TET2: variants seen among roughly 807,000 people sequenced by gnomAD.
TET2 encodes tet methylcytosine dioxygenase 2, also known as methylcytosine dioxygenase TET2.
TET2 carries 299 observed loss-of-function variants against 142.9 expected under a neutral mutation model. The observed-to-expected ratio is 2.09, with a 90% CI of 1.90 to 2.30. The LOEUF is 2.30. Ranked by LOEUF, TET2 falls within the 30% of genes most tolerant of loss-of-function variation. TET2 has a pLI of 0.00. For missense variants in TET2, 2,418 were observed against 2,378.0 expected (o/e 1.02, Z -0.35); for synonymous variants, 819 against 849.0 (o/e 0.96, Z 0.61).
chr4:105,212,993 G>A (rs76471899), intron 2 of TET2, among the ~76,000 whole-genome samples: 1 of 151,264 alleles, frequency 6.6e-6, no homozygotes, highest in Non-Finnish European at 1.5e-5. Flanking sequence ...CTGTCTCAGA[G>A]GAAAAAAAAA....
intron 6 of TET2, 116 bp from the exon 7 acceptor site, chr4:105,259,495 GCTTAATAC>G (rs1730309356): frequency 1.1e-6 from 1 of 904,920 alleles, no homozygotes; most frequent in African/African-American, 1.7e-5. Flanking sequence ...TTATGCCACA[GCTTAATAC>G]AGAGTTAGAT....
chr4:105,152,057 C>T (rs902808157), intron 1 of TET2, among the ~76,000 whole-genome samples: 30 of 151,926 alleles, frequency 2.0e-4, no homozygotes, highest in Admixed American at 7.9e-4. Flanking sequence ...GCAGGTGGAT[C>T]ACCTGACGTC....
In TET2 at chr4:105,276,739, A is replaced by G. The variant is rs1731241227; in HGVS notation, c.*220A>G. ...ACAGATGGCATCTAGGAAAAGACCAAAGCATTCTATGCAAAAAGAAGGTGG... is the reference window on the plus strand; with the variant it reads ...ACAGATGGCATCTAGGAAAAGACCAGAGCATTCTATGCAAAAAGAAGGTGG... On this transcript the variant is annotated 3_prime_UTR_variant, in exon 11 of 11. Transcript: ENST00000380013. 2.0e-6 allele frequency: 1 copy of G among 504,036 alleles called. No homozygotes were observed. The highest frequency in any genetic ancestry group is 3.7e-5 in the South Asian group (1 of 27,232). The allele number at this position is 504,036 out of a possible 1,614,324, so 31.2% of individuals were successfully genotyped here.
chr4:105,198,272 G>T (rs1157970982), intron 2 of TET2, among the ~76,000 whole-genome samples: 1 of 152,096 alleles, frequency 6.6e-6, no homozygotes, highest in Non-Finnish European at 1.5e-5. Context: ...GGAGGTGGAG[G>T]TTGCAGTGAG....
rs1314085251 is a variant in TET2, at chr4:105,236,076, C to G, written c.2134C>G (p.Pro712Ala). The G allele has an allele frequency of 1.2e-6, 2 of 1,614,000 alleles. No homozygotes were observed. The highest frequency in any genetic ancestry group is 1.6e-4 in the Middle Eastern group (1 of 6,084). Reference sequence around the variant, plus strand: ...GAATCAACAGGCTTCAGAGACTGAGCCATTTTCAAACTCACACCTTTTGCA... The same window carrying G: ...GAATCAACAGGCTTCAGAGACTGAGGCATTTTCAAACTCACACCTTTTGCA... ...HLNQQASETEPFSNSHLLQHK... is the reference protein window; with the variant it reads ...HLNQQASETEAFSNSHLLQHK... The change falls in exon 3 of 11, where the codon CCA becomes GCA. Residue 712 changes from proline (P) to alanine (A), a missense_variant. By Grantham distance (27) the Pro-to-Ala change is conservative. Coordinates refer to ENST00000380013, the MANE Select transcript of TET2 (RefSeq NM_001127208.3).
intron 2 of TET2, among the ~76,000 whole-genome samples, chr4:105,209,418 C>G (rs1342533508): frequency 6.6e-6 from 1 of 151,896 alleles, no homozygotes; most frequent in Admixed American, 6.6e-5. Context: ...CAGAGCTCAC[C>G]AACTTTGGAT....
At chr4:105,247,327 T>C (rs1179096430) in intron 6 of TET2, among the ~76,000 whole-genome samples, 1 of 152,176 alleles carries the variant, frequency 6.6e-6, no homozygotes, top group Non-Finnish European at 1.5e-5. Context: ...AATTATCTGA[T>C]TAGATTCTAT....
In TET2 at chr4:105,244,584, A is replaced by ATCTTTTTTTTTTT. The variant is rs1237638072; in HGVS notation, c.3803+807_3803+808insCTTTTTTTTTTTT. On this transcript the variant is annotated intron_variant, in intron 6 of 10. Transcript: ENST00000380013. ...TGAATGTTCACGGTGCTACACAGAA[A>ATCTTTTTTTTTTT]TGTTTTTTTTTTTTTTTTTTTTTTT... Among the ~76,000 whole-genome samples the ATCTTTTTTTTTTT allele has an allele frequency of 1.7e-3, 196 of 116,740 alleles. 26 individuals carry two copies. The highest frequency in any genetic ancestry group is 0.01 in the Middle Eastern group (2 of 194). The allele number at this position is 116,740 out of a possible 152,430, so 76.6% of individuals were successfully genotyped here.
chr4:105,154,722 C>T (rs1221115501), intron 1 of TET2, among the ~76,000 whole-genome samples: 1 of 152,110 alleles, frequency 6.6e-6, no homozygotes, highest in Non-Finnish European at 1.5e-5. Context: ...GGAGATGTAA[C>T]CCAAGTGTTA....
At position 105,256,535 on chromosome 4, in the gene TET2, G is replaced by A. The variant is rs1180750690; in HGVS notation, c.3804-3084G>A. ...CAGTTTTCATGATTTTCTTGTGTTG[G>A]CTTTCAGCAGTTTGGTTATGATGTT... On this transcript the variant is annotated intron_variant, in intron 6 of 10. Coordinates refer to ENST00000380013, the MANE Select transcript of TET2 (RefSeq NM_001127208.3). Among the ~76,000 whole-genome samples the A allele has an allele frequency of 2.0e-5, 3 of 152,042 alleles. No individual in the cohort carries two copies. In the East Asian group the frequency reaches 5.8e-4, roughly 29 times the overall value.
chr4:105,146,633 G>GCCGGGGCGGAGCGGGAGGAGT (rs1266522467), upstream of TET2: 5 of 153,340 alleles, frequency 3.3e-5, no homozygotes, highest in African/African-American at 1.2e-4. Flanking sequence ...GCGGGAGGAG[G>GCCGGGGCGGAGCGGGAGGAGT]CCGGGGCGGA....
intron 3 of TET2, chr4:105,237,862 T>C: frequency 9.3e-7 from 1 of 1,070,656 alleles, no homozygotes; most frequent in Non-Finnish European, 1.1e-6. Context: ...ATGCTGACAC[T>C]CTTAGTGCTC....
At chr4:105,267,374 A>G (rs1730731111) in intron 8 of TET2, among the ~76,000 whole-genome samples, 1 of 152,084 alleles carries the variant, frequency 6.6e-6, no homozygotes, top group Non-Finnish European at 1.5e-5. Context: ...GCTATCTTAA[A>G]AATATATTAA....
Position 105,272,586 on chromosome 4 carries a change from A to G in TET2, c.4205A>G (p.Asp1402Gly). The change falls in exon 10 of 11, where the codon GAC becomes GGC. Residue 1402 changes from aspartate to glycine, a missense_variant. Transcript: ENST00000380013. Reference protein sequence around the residue: ...STLVCTLTREDNREFGGKPED... With the variant: ...STLVCTLTREGNREFGGKPED... ...CAGGTATGCACTCTCACTAGAGAAG[A>G]CAATCGAGAATTTGGAGGAAAACCT... The G allele has an allele frequency of 6.5e-7, 1 of 1,542,748 alleles. No homozygotes were observed. Among genetic ancestry groups the G allele is most frequent in the Non-Finnish European group, 8.7e-7 (1 of 1,143,402 alleles).
chr4:105,216,144 ATACTTGG>A (rs1727478148), intron 2 of TET2, among the ~76,000 whole-genome samples: 1 of 152,174 alleles, frequency 6.6e-6, no homozygotes, highest in African/African-American at 2.4e-5. Flanking sequence ...TAGAGCTAGT[ATACTTGG>A]AGTTTGGCTA....
In TET2 at chr4:105,261,849, G is replaced by GT; in HGVS notation, c.4044+2dup. On this transcript the variant is annotated splice_donor_variant, in intron 8 of 10. Transcript: ENST00000380013. LOFTEE classifies it high-confidence loss of function. ...TGCACCTGATGCATATAATAATCAG[G>GT]TAAGTTTAAATAATCATTGGCAGCA... The GT allele has an allele frequency of 1.3e-6, 2 of 1,527,420 alleles. No homozygotes were observed. Among genetic ancestry groups the GT allele is most frequent in the Non-Finnish European group, 1.8e-6 (2 of 1,128,084 alleles). 94.6% of individuals were successfully genotyped at this position (1,527,420 alleles called of 1,614,324 possible).
chr4:105,259,641 C>A lies in TET2; in HGVS notation c.3826C>A (p.Leu1276Met), dbSNP rs1265584899. The change falls in exon 7 of 11, where the codon CTG becomes ATG. Residue 1276 changes from leucine to methionine, a missense_variant. By Grantham distance (15) the Leu-to-Met change is conservative. Transcript: ENST00000380013. ...NEERTCACQG[L>M]DPETCGASFS... The stretch of plus-strand genomic sequence containing the variant: ...CAGGAGAACTTGCGCCTGTCAGGGG[C>A]TGGATCCAGAAACCTGTGGTGCCTC... The A allele has an allele frequency of 6.4e-7, 1 of 1,551,006 alleles. No homozygotes were observed. Among genetic ancestry groups the A allele is most frequent in the Non-Finnish European group, 8.7e-7 (1 of 1,146,448 alleles).
intron 6 of TET2, among the ~76,000 whole-genome samples, chr4:105,247,714 C>CTTTTTTTTTTTTTTTTT (rs1206510081): frequency 7.7e-5 from 5 of 65,312 alleles, no homozygotes; most frequent in African/African-American, 1.2e-4. Context: ...TTTTTCTTTT[C>CTTTTTTTTTTTTTTTTT]TTTTTTTTTT....
Position 105,276,574 on chromosome 4 carries a change from G to A in TET2, c.*55G>A, listed in dbSNP as rs1731234978. 1.0e-5 allele frequency: 15 copies of A among 1,501,762 alleles called. No homozygotes were observed. Among genetic ancestry groups the A allele is most frequent in the Non-Finnish European group, 1.3e-5 (15 of 1,120,072 alleles). 93.0% of individuals were successfully genotyped at this position (1,501,762 alleles called of 1,614,324 possible). ...TGAAAAGACCACAACCAACCTGTCA[G>A]TAGTATAGTTCTCATGACGTGGGCA... On this transcript the variant is annotated 3_prime_UTR_variant, in exon 11 of 11. Coordinates refer to ENST00000380013, the MANE Select transcript of TET2 (RefSeq NM_001127208.3).
Sources: gnomAD v4.1 joint callset for allele counts (sites outside exome capture counted in the v4.1 genomes callset) on GRCh38, gnomAD v4.1.1 for gene constraint, MANE v1.5 for transcripts, NCBI Gene and HGNC (gene_info 2026-07-23, HGNC 2026-07-21) for gene names.